Variants in ANKLE2 observed in about 807,000 individuals in gnomAD.
ANKLE2 encodes the protein ankyrin repeat and LEM domain-containing protein 2.
Under a neutral mutation model 84.2 loss-of-function variants are expected in ANKLE2, and 55 were observed. That is an observed-to-expected ratio of 0.65 (90% CI 0.53 to 0.82). ANKLE2 has a LOEUF of 0.82. ANKLE2 is among the 40% of genes least tolerant of loss of function. ANKLE2 has a pLI of 0.00. For missense variants in ANKLE2, 1,238 were observed against 1,201.9 expected (o/e 1.03, Z -0.44); for synonymous variants, 551 against 486.1 (o/e 1.13, Z -1.76).
At chr12:132,741,242 T>C (rs2044115987) in intron 7 of ANKLE2, among the ~76,000 whole-genome samples, 177 bp downstream of exon 7, 2 of 152,088 alleles carry the variant, frequency 1.3e-5, no homozygotes. Context: ...AGAAAAAAGG[T>C]GGCAAATGAG....
At chr12:132,740,903 C>T (rs1038384109) in intron 7 of ANKLE2, among the ~76,000 whole-genome samples, 30 of 109,998 alleles carry the variant, frequency 2.7e-4, no homozygotes, top group Admixed American at 1.9e-3. Flanking sequence ...GGAGCCTGGG[C>T]GTGCACCAGG....
intron 1 of ANKLE2, chr12:132,761,333 C>T (rs559468649): frequency 2.0e-4 from 56 of 282,806 alleles, no homozygotes; most frequent in Non-Finnish European, 3.2e-4. Context: ...TCCGCTAACG[C>T]CTCGCCGGGC....
chr12:132,761,761 G>C lies in ANKLE2; in HGVS notation c.38C>G (p.Ala13Gly), dbSNP rs1221157843. 19 of 1,200,506 alleles carry C rather than the reference G, an allele frequency of 1.6e-5. No individual in the cohort carries two copies. The highest frequency in any genetic ancestry group is 2.0e-5 in the Non-Finnish European group (19 of 967,580). The allele number at this position is 1,200,506 out of a possible 1,614,324, so 74.4% of individuals were successfully genotyped here. The change falls in exon 1 of 13, where the codon GCG becomes GGG. Residue 13 changes from alanine (A) to glycine (G), a missense_variant. Coordinates refer to ENST00000357997, the MANE Select transcript of ANKLE2 (RefSeq NM_015114.3). ...WPRLAAAEWA[A>G]LAWELLGASV... Reference sequence around the variant, plus strand: ...GGCGCCCAGCAGCTCCCAGGCCAGCGCCGCCCACTCGGCCGCCGCCAGCCG... The same window carrying C: ...GGCGCCCAGCAGCTCCCAGGCCAGCCCCGCCCACTCGGCCGCCGCCAGCCG...
At chr12:132,727,884 G>T in intron 12 of ANKLE2, 148 bp downstream of exon 12, 1 of 1,104,608 alleles carries the variant, frequency 9.1e-7, no homozygotes, top group Non-Finnish European at 1.3e-6. Flanking sequence ...TGTGTGCAGA[G>T]AGCCACAACA....
rs201453405 is a variant in ANKLE2, at chr12:132,730,007, G to A, written c.2155C>T (p.Pro719Ser). 8 of 1,613,286 alleles carry A rather than the reference G, an allele frequency of 5.0e-6. No individual in the cohort carries two copies. Among genetic ancestry groups the A allele is most frequent in the Non-Finnish European group, 6.8e-6 (8 of 1,179,918 alleles). Residue 719 changes from proline (P) to serine (S), a missense_variant, in exon 11 of 13, where the codon CCC becomes TCC. Coordinates refer to ENST00000357997, the MANE Select transcript of ANKLE2 (RefSeq NM_015114.3). ...GGCAGATGGGCTTCCTCCCCACGGG[G>A]GGCCTTTGGTCTCTTGCCCGCCAGG... ...RTLAGKRPKAPRGEEAHLPPV... is the reference protein window; with the variant it reads ...RTLAGKRPKASRGEEAHLPPV...
chr12:132,757,322 C>T (rs887484065), intron 1 of ANKLE2: 7 of 152,250 alleles, frequency 4.6e-5, no homozygotes, highest in African/African-American at 1.7e-4. Context: ...TTTCAGCAAA[C>T]GATTCCTGTA....
rs776990143 is a variant in ANKLE2, at chr12:132,748,152, G to C, written c.1027C>G (p.Pro343Ala). 1 of 1,613,590 alleles carries C rather than the reference G, an allele frequency of 6.2e-7. No homozygotes were observed. ...PRYLIGSGDN[P>A]TIVQEGCRYN... ...CCGAGACCTACCTGCACGATAGTGG[G>C]GTTGTCTCCTGAGCCTATCAGATAC... Residue 343 changes from proline to alanine, a missense_variant, in exon 4 of 13, where the codon CCC (proline) becomes GCC (alanine). Around this residue, in one of 3 missense-constraint regions of ANKLE2, gnomAD observed 14 missense variants for 33.0 expected, o/e 0.42. Coordinates refer to ENST00000357997, the MANE Select transcript of ANKLE2 (RefSeq NM_015114.3).
Position 132,754,658 on chromosome 12 carries a change from A to G in ANKLE2, c.640+17T>C, listed in dbSNP as rs1218351044. ...TGTGCTATCTGTGTGAGGAAATCCT[A>G]CACACGGTCCCATTACCATTTCTCG... On this transcript the variant is annotated intron_variant, in intron 2 of 12. Coordinates refer to ENST00000357997, the MANE Select transcript of ANKLE2 (RefSeq NM_015114.3). 6.3e-7 allele frequency: 1 copy of G among 1,580,178 alleles called. No homozygotes were observed. Among genetic ancestry groups the G allele is most frequent in the Admixed American group, 1.8e-5 (1 of 55,682 alleles).
At chr12:132,732,379 G>T (rs796610715) in intron 10 of ANKLE2, among the ~76,000 whole-genome samples, 159 of 108,994 alleles carry the variant, frequency 1.5e-3, no homozygotes, top group East Asian at 3.6e-3. Context: ...ACTGTGAAGC[G>T]CTCTGCGTGC....
intron 6 of ANKLE2, chr12:132,742,434 G>A (rs1326863453): frequency 6.5e-6 from 1 of 153,248 alleles, no homozygotes; most frequent in African/African-American, 2.4e-5. Flanking sequence ...TGCTAGACAA[G>A]GGACAGCTCA....
chr12:132,728,043 C>G lies in ANKLE2; in HGVS notation c.2604G>C (p.Ser868=). 1 of 1,606,952 alleles carries G rather than the reference C, an allele frequency of 6.2e-7. No homozygotes were observed. The highest frequency in any genetic ancestry group is 8.5e-7 in the Non-Finnish European group (1 of 1,178,258). The change falls in exon 12 of 13, where the codon TCG becomes TCC. Residue 868 remains serine (S), a synonymous_variant. Coordinates refer to ENST00000357997, the MANE Select transcript of ANKLE2 (RefSeq NM_015114.3). ...CGGGCCCCACATACCTCTGTCTGTC[C>G]GAGGGTGAGTAGCACAGGACAGCAC... ...WKSAVLCYSP[S]DRQSWPSPAV...
intron 7 of ANKLE2, among the ~76,000 whole-genome samples, chr12:132,739,444 T>C (rs771937493): frequency 1.2e-4 from 18 of 152,206 alleles, no homozygotes; most frequent in Middle Eastern, 3.2e-3. Context: ...TTGGCAGTTT[T>C]TTCCCTCTTT....
At position 132,735,462 on chromosome 12, in the gene ANKLE2, G is replaced by A. The variant is rs1260446993; in HGVS notation, c.1644C>T (p.Gly548=). 1.9e-6 allele frequency: 3 copies of A among 1,613,870 alleles called. No individual in the cohort carries two copies. Among genetic ancestry groups the A allele is most frequent in the Non-Finnish European group, 1.7e-6 (2 of 1,180,028 alleles). Residue 548 remains glycine (G), a synonymous_variant, in exon 9 of 13, where the codon GGC becomes GGT. Coordinates refer to ENST00000357997, the MANE Select transcript of ANKLE2 (RefSeq NM_015114.3). ...LWKTPPREKA[G]FLHHVKKSDP... The stretch of plus-strand genomic sequence containing the variant: ...CCGACTTCTTGACGTGGTGAAGGAA[G>A]CCTGCTTTCTCTCGAGGTGGAGTTT...
chr12:132,753,245 G>A (rs2044398061), intron 2 of ANKLE2, among the ~76,000 whole-genome samples: 1 of 152,096 alleles, frequency 6.6e-6, no homozygotes, highest in East Asian at 1.9e-4. Context: ...CCTTGAGCCT[G>A]GTAGGCAGAC....
chr12:132,746,510 A>G (rs2044242482), intron 5 of ANKLE2, among the ~76,000 whole-genome samples: 1 of 152,174 alleles, frequency 6.6e-6, no homozygotes, highest in Admixed American at 6.5e-5. Flanking sequence ...TTATCTTGAA[A>G]TGCTAAACAA....
Position 132,727,601 on chromosome 12 carries a change from A to G in ANKLE2, c.2616-158T>C, listed in dbSNP as rs76784234. Among the ~76,000 whole-genome samples the G allele has an allele frequency of 0.2, 11,401 of 56,348 alleles. 29 individuals carry two copies. Among genetic ancestry groups the G allele is most frequent in the South Asian group, 0.22 (425 of 1,958 alleles). The allele number at this position is 56,348 out of a possible 152,430, so 37.0% of individuals were successfully genotyped here. On this transcript the variant is annotated intron_variant, in intron 12 of 12. Coordinates refer to ENST00000357997, the MANE Select transcript of ANKLE2 (RefSeq NM_015114.3). ...CCGCGGGCACACACGCCCGGGTGGA[A>G]GAGACGCACTGCTGAACCCTGGCAC... is the stretch of plus-strand genomic sequence containing the variant.
Position 132,754,726 on chromosome 12 carries a change from G to T in ANKLE2, c.589C>A (p.Pro197Thr). The T allele has an allele frequency of 6.2e-7, 1 of 1,614,112 alleles. No homozygotes were observed. Among genetic ancestry groups the T allele is most frequent in the Non-Finnish European group, 8.5e-7 (1 of 1,180,008 alleles). The change falls in exon 2 of 13, where the codon CCC (proline) becomes ACC (threonine). Residue 197 changes from proline to threonine, a missense_variant. By Grantham distance (38) the Pro-to-Thr change is conservative. Transcript: ENST00000357997. ...RAGATASKEP[P>T]LYYGVCPVYE... ...ACTGGACACACCCCATAGTACAGGGGCGGCTCCTTAGACGCAGTCGCTCCA... is the reference window on the plus strand; with the variant it reads ...ACTGGACACACCCCATAGTACAGGGTCGGCTCCTTAGACGCAGTCGCTCCA...
chr12:132,729,928 C>T lies in ANKLE2; in HGVS notation c.2234G>A (p.Gly745Glu). Reference sequence around the variant, plus strand: ...ATCTGGTGTCTTGGAAACGCTACGTCCTATATTTTGCAAATTCAGTTTATC... The same window carrying T: ...ATCTGGTGTCTTGGAAACGCTACGTTCTATATTTTGCAAATTCAGTTTATC... ...EFDKLNLQNI[G>E]RSVSKTPDES... Residue 745 changes from glycine to glutamate, a missense_variant, in exon 11 of 13, where the codon GGA (glycine) becomes GAA (glutamate). Around this residue, in one of 3 missense-constraint regions of ANKLE2, gnomAD observed 802 missense variants for 774.5 expected, o/e 1.04. Transcript: ENST00000357997. 6.2e-7 allele frequency: 1 copy of T among 1,613,614 alleles called. No homozygotes were observed.
Position 132,727,024 on chromosome 12 carries a change from A to G in ANKLE2, c.*218T>C. 1 of 577,406 alleles carries G rather than the reference A, an allele frequency of 1.7e-6. No individual in the cohort carries two copies. 35.8% of individuals were successfully genotyped at this position (577,406 alleles called of 1,614,324 possible). On this transcript the variant is annotated 3_prime_UTR_variant, in exon 13 of 13. Transcript: ENST00000357997. ...TTACCACATGGATATTTTCCAGAAAATTGGTAACTGAGTTTGCTTTCATTA... is the reference window on the plus strand; with the variant it reads ...TTACCACATGGATATTTTCCAGAAAGTTGGTAACTGAGTTTGCTTTCATTA...
Sources: allele counts gnomAD v4.1 joint callset (sites outside exome capture counted in the v4.1 genomes callset), GRCh38; gene constraint gnomAD v4.1.1; regional missense constraint gnomAD v4.1.1; transcripts MANE v1.5; gene names NCBI Gene and HGNC (gene_info 2026-07-23, HGNC 2026-07-21).